Variants in EYS observed in about 807,000 individuals in gnomAD.
EYS encodes the protein protein eyes shut homolog.
A neutral mutation model predicts 282.1 loss-of-function variants in EYS; 250 were observed. The ratio of observed to expected loss-of-function variants is 0.89; its 90% CI spans 0.80 to 0.98. The LOEUF (loss-of-function observed/expected upper bound fraction) is 0.98, where lower values mean the gene tolerates loss of function less well. Among genes scored for constraint, EYS ranks in the 50% least tolerant of loss-of-function variants. EYS has a pLI of 0.00. For synonymous variants in EYS, 1,355 were observed against 1,282.9 expected (o/e 1.06, Z -1.20); for missense variants, 4,016 against 3,709.0 (o/e 1.08, Z -2.15).
At chr6:64,569,876 C>T (rs911858341) in intron 26 of EYS, among the ~76,000 whole-genome samples, 2 of 150,392 alleles carry the variant, frequency 1.3e-5, no homozygotes, top group Admixed American at 6.6e-5. Context: ...AAACACTCTT[C>T]GGGATATTAT....
chr6:65,374,723 AT>A (rs1765295147), intron 8 of EYS, among the ~76,000 whole-genome samples: 1 of 152,066 alleles, frequency 6.6e-6, no homozygotes, highest in Admixed American at 6.6e-5. Context: ...GGGATGGGGT[AT>A]CCGCCTTTAC....
At chr6:64,907,755 C>T (rs1036288538) in intron 16 of EYS, among the ~76,000 whole-genome samples, 1 of 152,070 alleles carries the variant, frequency 6.6e-6, no homozygotes, top group African/African-American at 2.4e-5. Context: ...CACTCACATG[C>T]ATGCCCAGAC....
chr6:64,041,441 C>A (rs1172504540), intron 33 of EYS, among the ~76,000 whole-genome samples: 1 of 152,152 alleles, frequency 6.6e-6, no homozygotes, highest in East Asian at 1.9e-4. Flanking sequence ...GTTGAAAACA[C>A]TGAGCCAAAA....
chr6:64,449,251 T>A (rs1342523437), intron 26 of EYS, among the ~76,000 whole-genome samples: 1 of 151,610 alleles, frequency 6.6e-6, no homozygotes, highest in African/African-American at 2.4e-5. Flanking sequence ...GAAGAAAGGG[T>A]ATCAGCGATG....
intron 29 of EYS, among the ~76,000 whole-genome samples, chr6:64,324,173 C>T (rs898212931): frequency 6.6e-5 from 10 of 151,996 alleles, no homozygotes; most frequent in East Asian, 1.9e-4. Flanking sequence ...GGCAAAGACA[C>T]GACAAAGAAT....
intron 5 of EYS, among the ~76,000 whole-genome samples, chr6:65,435,069 T>A (rs17689901): frequency 0.19 from 28,412 of 151,548 alleles, 3,329 homozygotes; most frequent in Middle Eastern, 0.29. Context: ...AGTCACCAGA[T>A]TTTATGTTAA....
intron 35 of EYS, among the ~76,000 whole-genome samples, chr6:63,919,417 CA>C (rs1764509852): frequency 6.9e-6 from 1 of 144,798 alleles, no homozygotes; most frequent in Non-Finnish European, 1.5e-5. Context: ...AAAAAAATCC[CA>C]ACCCACACAT....
chr6:65,577,416 A>T (rs1351070297), intron 2 of EYS, among the ~76,000 whole-genome samples: 1 of 151,880 alleles, frequency 6.6e-6, no homozygotes, highest in African/African-American at 2.4e-5. Context: ...TCTCTATCTA[A>T]AATCAACTCA....
intron 35 of EYS, among the ~76,000 whole-genome samples, chr6:63,942,959 A>T (rs1374731912): frequency 1.3e-5 from 2 of 152,180 alleles, no homozygotes; most frequent in Non-Finnish European, 2.9e-5. Flanking sequence ...TGATTTTCTT[A>T]CTAGTGTTTT....
At chr6:64,089,465 T>A (rs1176368358) in intron 31 of EYS, among the ~76,000 whole-genome samples, 3 of 149,600 alleles carry the variant, frequency 2.0e-5, no homozygotes, top group African/African-American at 4.9e-5. Flanking sequence ...ATTATCAATA[T>A]CTTAAATATT....
chr6:65,384,240 C>T (rs752894065), intron 8 of EYS, 146 bp downstream of exon 8: 8 of 608,588 alleles, frequency 1.3e-5, no homozygotes, highest in Non-Finnish European at 2.3e-5. Context: ...ACCCCTATTG[C>T]TAAGCTTTAC....
chr6:65,114,757 T>G (rs1198278950), intron 12 of EYS, among the ~76,000 whole-genome samples: 1 of 152,002 alleles, frequency 6.6e-6, no homozygotes, highest in Non-Finnish European at 1.5e-5. Flanking sequence ...CATCCACTAT[T>G]ACAGGTTAAC....
chr6:64,761,794 A>G (rs1218442024), intron 22 of EYS, among the ~76,000 whole-genome samples: 2 of 152,188 alleles, frequency 1.3e-5, no homozygotes, highest in African/African-American at 2.4e-5. Context: ...GAACAAATAG[A>G]AAAGGTAAGC....
At chr6:65,331,545 CA>C in intron 11 of EYS, 1 of 964,078 alleles carries the variant, frequency 1.0e-6, no homozygotes, top group Non-Finnish European at 1.2e-6. Flanking sequence ...GAGACAATAT[CA>C]AGAACTCATT....
At chr6:65,035,150 T>A (rs1002060027) in intron 13 of EYS, among the ~76,000 whole-genome samples, 3 of 152,062 alleles carry the variant, frequency 2.0e-5, no homozygotes, top group African/African-American at 4.8e-5. Flanking sequence ...AGGCTTTCAA[T>A]AACACTCATC....
At chr6:64,598,553 T>C (rs572734517) in intron 24 of EYS, among the ~76,000 whole-genome samples, 7 of 152,328 alleles carry the variant, frequency 4.6e-5, no homozygotes, top group African/African-American at 1.7e-4. Context: ...ATTATTTTCT[T>C]TCTGAATCTA....
chr6:65,459,968 T>TA (rs1764762067), intron 5 of EYS, among the ~76,000 whole-genome samples: 1 of 80,672 alleles, frequency 1.2e-5, no homozygotes, highest in Non-Finnish European at 2.6e-5. Context: ...TTTGTGTATT[T>TA]TATATATATA....
At chr6:63,937,723 C>A (rs1765115817) in intron 35 of EYS, among the ~76,000 whole-genome samples, 1 of 152,132 alleles carries the variant, frequency 6.6e-6, no homozygotes, top group African/African-American at 2.4e-5. Flanking sequence ...AATTCCCAGA[C>A]TTCTGTCTGA....
intron 11 of EYS, chr6:65,330,527 T>C (rs1249993049): frequency 1.0e-6 from 1 of 984,164 alleles, no homozygotes; most frequent in Non-Finnish European, 1.2e-6. Context: ...TTTTTGAAGA[T>C]TTCAGGGCAA....
Sources: gnomAD v4.1 joint callset for allele counts (sites outside exome capture counted in the v4.1 genomes callset) on GRCh38, gnomAD v4.1.1 for gene constraint, MANE v1.5 for transcripts, NCBI Gene and HGNC (gene_info 2026-07-23, HGNC 2026-07-21) for gene names.